RASAL2: variants seen among roughly 807,000 people sequenced by gnomAD.
RASAL2 encodes the protein RAS protein activator like 2.
In RASAL2, 58 loss-of-function variants were observed where a neutral mutation model predicts 128.9. The ratio of observed to expected loss-of-function variants is 0.45; its 90% CI spans 0.36 to 0.56. The LOEUF (loss-of-function observed/expected upper bound fraction) is 0.56, where lower values mean the gene tolerates loss of function less well. Ranked by LOEUF, RASAL2 falls within the 20% of genes least tolerant of loss-of-function variation. The pLI is 0.00. For synonymous variants in RASAL2, 561 were observed against 580.8 expected, an observed-to-expected ratio of 0.97 and a Z score of 0.49; for missense variants, 1,360 against 1,601.6, an observed-to-expected ratio of 0.85 and a Z score of 2.57.
Position 178,238,588 on chromosome 1 carries a change from C to A in RASAL2, c.203-44976C>A, listed in dbSNP as rs145403196. 1.6e-3 allele frequency among the ~76,000 whole-genome samples: 248 copies of A among 152,008 alleles called. 1 individual carries two copies. The highest frequency in any genetic ancestry group is 5.8e-3 in the African/African-American group (241 of 41,470). ...CGTGTATTCATTCAGTAAAATATTTCTGTGTGTATGTGTGTATATACACAC... is the reference window on the plus strand; with the variant it reads ...CGTGTATTCATTCAGTAAAATATTTATGTGTGTATGTGTGTATATACACAC... On this transcript the variant is annotated intron_variant, in intron 1 of 17. Coordinates refer to ENST00000367649, the MANE Select transcript of RASAL2 (RefSeq NM_170692.4).
chr1:178,459,644 T>G (rs555174429), intron 14 of RASAL2, among the ~76,000 whole-genome samples: 2 of 152,276 alleles, frequency 1.3e-5, no homozygotes, highest in East Asian at 3.9e-4. Context: ...TTGCACCTAC[T>G]TTGATTTTTT....
intron 1 of RASAL2, among the ~76,000 whole-genome samples, chr1:178,267,291 C>T (rs1303844848): frequency 6.6e-6 from 1 of 151,962 alleles, no homozygotes; most frequent in Non-Finnish European, 1.5e-5. Context: ...CTTTTTTATT[C>T]ATCCATTTTA....
intron 1 of RASAL2, among the ~76,000 whole-genome samples, chr1:178,281,542 C>A (rs1666784050): frequency 2.0e-5 from 3 of 151,960 alleles, no homozygotes; most frequent in Non-Finnish European, 4.4e-5. Context: ...AATCAATATC[C>A]TGTATTAAAA....
chr1:178,257,287 TA>T (rs1665405786), intron 1 of RASAL2, among the ~76,000 whole-genome samples: 1 of 152,108 alleles, frequency 6.6e-6, no homozygotes, highest in South Asian at 2.1e-4. Flanking sequence ...TTCTAAAATT[TA>T]TATGGAATTG....
chr1:178,285,036 G>T (rs1457868283), intron 2 of RASAL2, among the ~76,000 whole-genome samples: 1 of 145,578 alleles, frequency 6.9e-6, no homozygotes, highest in Non-Finnish European at 1.5e-5. Context: ...ATTTTTTAAT[G>T]TGGTAACAAT....
rs1659281528 is a variant in RASAL2 at position 178,110,648 on chromosome 1, A to ATG, written c.202+15955_202+15956insGT. On this transcript the variant is annotated intron_variant, in intron 1 of 17. Coordinates refer to ENST00000367649, the MANE Select transcript of RASAL2 (RefSeq NM_170692.4). ...ATATATAGTGTATACATATATATAT[A>ATG]TATATGTATGTATACTGCAAACTCC... 3.3e-4 allele frequency among the ~76,000 whole-genome samples: 22 copies of ATG among 66,756 alleles called. 1 individual carries two copies. In the South Asian group the frequency reaches 0.015, roughly 46 times the overall value. 43.8% of individuals were successfully genotyped at this position (66,756 alleles called of 152,430 possible).
chr1:178,194,009 G>T (rs389563), intron 1 of RASAL2, among the ~76,000 whole-genome samples: 93,185 of 151,970 alleles, frequency 0.61, 31,956 homozygotes, highest in East Asian at 0.8. Context: ...TAAACACTTG[G>T]ATCAAATCAT....
intron 1 of RASAL2, among the ~76,000 whole-genome samples, chr1:178,206,797 A>C (rs1663065185): frequency 6.6e-6 from 1 of 152,202 alleles, no homozygotes; most frequent in South Asian, 2.1e-4. Flanking sequence ...ACTTGGAGTA[A>C]CCTTTAAAAA....
chr1:178,415,382 C>T (rs1674688256), intron 4 of RASAL2, among the ~76,000 whole-genome samples: 1 of 151,990 alleles, frequency 6.6e-6, no homozygotes, highest in African/African-American at 2.4e-5. Flanking sequence ...ATTTTCTAGT[C>T]ATCTTTCTAT....
intron 4 of RASAL2, among the ~76,000 whole-genome samples, chr1:178,398,854 GC>G (rs1673430737): frequency 6.6e-6 from 1 of 151,912 alleles, no homozygotes; most frequent in African/African-American, 2.4e-5. Flanking sequence ...CCCTTTTCCA[GC>G]CCCACTGCCA....
chr1:178,467,838 C>T (rs1647893692), intron 17 of RASAL2, among the ~76,000 whole-genome samples: 1 of 152,146 alleles, frequency 6.6e-6, no homozygotes, highest in African/African-American at 2.4e-5. Context: ...AACCTTTTGC[C>T]CCAGACAGTA....
chr1:178,151,854 C>A (rs1173068780), intron 1 of RASAL2, among the ~76,000 whole-genome samples: 1 of 152,120 alleles, frequency 6.6e-6, no homozygotes, highest in Non-Finnish European at 1.5e-5. Flanking sequence ...TCCACTGTAC[C>A]CAGAGGACGT....
At chr1:178,401,308 AAATC>A (rs889874457) in intron 4 of RASAL2, among the ~76,000 whole-genome samples, 4 of 152,232 alleles carry the variant, frequency 2.6e-5, no homozygotes, top group African/African-American at 9.6e-5. Context: ...GGTCTACAAT[AAATC>A]TATTAAGTGA....
intron 2 of RASAL2, among the ~76,000 whole-genome samples, chr1:178,297,440 A>G (rs1415036711): frequency 2.0e-5 from 3 of 151,246 alleles, no homozygotes; most frequent in African/African-American, 7.3e-5. Context: ...TGTCTCTACT[A>G]AAAATAAAAA....
intron 1 of RASAL2, among the ~76,000 whole-genome samples, chr1:178,152,586 G>A (rs527351889): frequency 6.6e-6 from 1 of 152,046 alleles, no homozygotes; most frequent in East Asian, 1.9e-4. Flanking sequence ...AATCACTTGA[G>A]CCTGGGAGGC....
chr1:178,278,805 G>A (rs1430491781), intron 1 of RASAL2, among the ~76,000 whole-genome samples: 2 of 152,178 alleles, frequency 1.3e-5, no homozygotes, highest in South Asian at 2.1e-4. Context: ...GAAAAAAGTT[G>A]GAGTGTGTCT....
chr1:178,411,518 AGACAT>A, intron 4 of RASAL2: 1 of 558,936 alleles, frequency 1.8e-6, no homozygotes, highest in East Asian at 3.1e-5. Context: ...CCATGCAATC[AGACAT>A]GACCTATTCC....
intron 4 of RASAL2, among the ~76,000 whole-genome samples, chr1:178,417,361 T>C (rs1427424121): frequency 1.3e-5 from 2 of 152,184 alleles, no homozygotes; most frequent in African/African-American, 4.8e-5. Context: ...AGAGTTTGTG[T>C]TTATCTTTGA....
chr1:178,196,689 C>T (rs2101957736), intron 1 of RASAL2, among the ~76,000 whole-genome samples: 1 of 152,320 alleles, frequency 6.6e-6, no homozygotes, highest in East Asian at 1.9e-4. Context: ...GAGACTTAAG[C>T]ATCCTTGGAT....
Sources: gnomAD v4.1 joint callset for allele counts (sites outside exome capture counted in the v4.1 genomes callset) on GRCh38, gnomAD v4.1.1 for gene constraint, MANE v1.5 for transcripts, NCBI Gene and HGNC (gene_info 2026-07-23, HGNC 2026-07-21) for gene names.